The following MYO16 variants were observed in gnomAD, a reference collection of about 807,000 sequenced individuals.
MYO16 encodes the protein unconventional myosin-XVI.
A neutral mutation model predicts 205.3 loss-of-function variants in MYO16; 94 were observed. That is an observed-to-expected ratio of 0.46 (90% confidence interval 0.39 to 0.54). The LOEUF is 0.54. Among genes scored for constraint, MYO16 ranks in the 20% least tolerant of loss-of-function variants. MYO16 has a pLI of 0.00. For synonymous variants in MYO16, 988 were observed against 954.0 expected (o/e 1.04, Z -0.66); for missense variants, 2,315 against 2,387.5 (o/e 0.97, Z 0.63).
chr13:108,877,561 G>A (rs183805476), intron 12 of MYO16, among the ~76,000 whole-genome samples: 78 of 152,308 alleles, frequency 5.1e-4, no homozygotes, highest in Non-Finnish European at 1.9e-4. Context: ...ACTAAACTAT[G>A]ATTAATTCTG....
At chr13:108,636,658 G>A (rs147970216) in intron 1 of MYO16, among the ~76,000 whole-genome samples, 5,244 of 152,164 alleles carry the variant, frequency 0.034, 133 homozygotes, top group South Asian at 0.13. Context: ...GATTACAGGC[G>A]TGAGCCACTG....
At chr13:108,576,873 A>T in the MYO16 span, among the ~76,000 whole-genome samples, 1 of 151,912 alleles carries the variant, frequency 6.6e-6, no homozygotes, top group Non-Finnish European at 1.5e-5. Context: ...TGATCCTTCC[A>T]CCTCAGCCTC....
Position 108,694,941 on chromosome 13 carries a change from C to T in MYO16, c.293-17720C>T, listed in dbSNP as rs556038557. Among the ~76,000 whole-genome samples the T allele has an allele frequency of 3.9e-5, 6 of 152,084 alleles. No homozygotes were observed. The East Asian group carries it at 5.8e-4, about 15-fold the overall frequency. ...CAGCCTGACCAACATGGAGAAACCC[C>T]GTCTCTACTAAAAATACAAAATTAG... On this transcript the variant is annotated intron_variant, in intron 2 of 34. Transcript: ENST00000457511.
intron 12 of MYO16, among the ~76,000 whole-genome samples, chr13:108,876,519 G>C (rs1879334004): frequency 6.6e-6 from 1 of 152,106 alleles, no homozygotes; most frequent in Admixed American, 6.5e-5. Context: ...ATTTTCGTAA[G>C]CAGTGATAAT....
chr13:108,655,959 G>A (rs1268386620), intron 1 of MYO16, among the ~76,000 whole-genome samples: 1 of 152,090 alleles, frequency 6.6e-6, no homozygotes, highest in African/African-American at 2.4e-5. Flanking sequence ...CAGGCTCATA[G>A]GCATAAGGGA....
intron 20 of MYO16, among the ~76,000 whole-genome samples, chr13:108,988,579 A>G (rs1164878228): frequency 6.6e-6 from 1 of 152,068 alleles, no homozygotes; most frequent in Admixed American, 6.6e-5. Context: ...ATGTGAACCC[A>G]TCCTTTAATG....
intron 3 of MYO16, among the ~76,000 whole-genome samples, chr13:108,714,612 G>GTGTGTGTA (rs1419918356): frequency 3.9e-4 from 55 of 140,930 alleles, no homozygotes; most frequent in Non-Finnish European, 6.6e-4. Flanking sequence ...GTGTGTGTGT[G>GTGTGTGTA]TATATATATA....
At chr13:108,907,416 C>A (rs1881040589) in intron 15 of MYO16, among the ~76,000 whole-genome samples, 1 of 152,168 alleles carries the variant, frequency 6.6e-6, no homozygotes, top group Non-Finnish European at 1.5e-5. Flanking sequence ...CTTGAGAAGT[C>A]AGGAGCTCAG....
intron 1 of MYO16, among the ~76,000 whole-genome samples, chr13:108,631,904 C>T (rs139616652): frequency 1.3e-5 from 2 of 152,020 alleles, no homozygotes; most frequent in African/African-American, 2.4e-5. Flanking sequence ...ATAGTGAAAC[C>T]CTGTCTCTAC....
the MYO16 span, among the ~76,000 whole-genome samples, chr13:108,587,574 T>C: frequency 6.6e-6 from 1 of 152,312 alleles, no homozygotes; most frequent in African/African-American, 2.4e-5. Flanking sequence ...ATTAGGAATA[T>C]GATTTTAATT....
chr13:109,080,860 A>G (rs1888261100), intron 27 of MYO16, among the ~76,000 whole-genome samples: 1 of 152,172 alleles, frequency 6.6e-6, no homozygotes, highest in African/African-American at 2.4e-5. Context: ...GTACTGTGTG[A>G]CCATTTATCA....
intron 12 of MYO16, 86 bp downstream of exon 12, chr13:108,866,328 C>CAGTA (rs56396404): frequency 0.13 from 99,481 of 776,326 alleles, 7,599 homozygotes; most frequent in East Asian, 0.3. Context: ...CTAAAAAAAA[C>CAGTA]AGGCAAACTT....
Position 108,935,518 on chromosome 13 carries a change from G to A in MYO16, c.1926-22170G>A, listed in dbSNP as rs557216678. Among the ~76,000 whole-genome samples, 6 of 152,262 alleles carry A rather than the reference G, an allele frequency of 3.9e-5. No homozygotes were observed. In the East Asian group the frequency reaches 7.7e-4, roughly 20 times the overall value. The stretch of plus-strand genomic sequence containing the variant: ...ATTTATCAGCTTCAGGAGCCTTTTG[G>A]TGGAGTCTTCAGGGTTTTCAAGGCA... On this transcript the variant is annotated intron_variant, in intron 16 of 34. Coordinates refer to ENST00000457511, the MANE Select transcript of MYO16 (RefSeq NM_001198950.3).
intron 4 of MYO16, among the ~76,000 whole-genome samples, chr13:108,729,646 T>G (rs1594245908): frequency 6.6e-6 from 1 of 152,340 alleles, no homozygotes. Context: ...TTCTCACAAA[T>G]GAATATTCAT....
chr13:109,129,820 T>G (rs1189282121), intron 31 of MYO16, among the ~76,000 whole-genome samples: 1 of 152,004 alleles, frequency 6.6e-6, no homozygotes, highest in African/African-American at 2.4e-5. Flanking sequence ...GTTGCATAAA[T>G]AGGCTTCAGA....
At chr13:108,552,874 A>G in the MYO16 span, among the ~76,000 whole-genome samples, 1 of 152,158 alleles carries the variant, frequency 6.6e-6, no homozygotes, top group Non-Finnish European at 1.5e-5. Context: ...TGGTAGAATA[A>G]GAAAGGATGA....
chr13:108,560,400 T>G, the MYO16 span, among the ~76,000 whole-genome samples: 2 of 152,196 alleles, frequency 1.3e-5, no homozygotes, highest in Non-Finnish European at 2.9e-5. Flanking sequence ...CAAGCCAAAT[T>G]TGTCAAGATA....
intron 1 of MYO16, among the ~76,000 whole-genome samples, chr13:108,642,102 C>T (rs1440478766): frequency 6.6e-5 from 10 of 152,134 alleles, no homozygotes; most frequent in African/African-American, 2.4e-4. Context: ...ATGATACCAT[C>T]CCAATTCATT....
chr13:108,882,942 C>A, intron 12 of MYO16, 117 bp from the exon 13 acceptor site: 2 of 1,364,270 alleles, frequency 1.5e-6, no homozygotes, highest in South Asian at 1.6e-5. Context: ...CAATGAGATT[C>A]AGAATTAGGG....
Sources: gnomAD v4.1 joint callset for allele counts (sites outside exome capture counted in the v4.1 genomes callset) on GRCh38, gnomAD v4.1.1 for gene constraint, MANE v1.5 for transcripts, NCBI Gene and HGNC (gene_info 2026-07-23, HGNC 2026-07-21) for gene names.